ZDHHC22: variants seen among roughly 807,000 people sequenced by gnomAD.
ZDHHC22 encodes the protein palmitoyltransferase ZDHHC22.
In ZDHHC22, 13 loss-of-function variants were observed where a neutral mutation model predicts 17.0. The observed-to-expected ratio is 0.76, with a 90% CI of 0.50 to 1.21. The LOEUF (loss-of-function observed/expected upper bound fraction) is 1.21. ZDHHC22 is among the 50% of genes most tolerant of loss of function. The pLI, the probability that ZDHHC22 is intolerant of heterozygous loss-of-function variation, is 0.00. For missense variants in ZDHHC22, 319 were observed against 342.3 expected (o/e 0.93, Z 0.54); for synonymous variants, 138 against 154.7 (o/e 0.89, Z 0.80).
At position 77,133,867 on chromosome 14, in the gene ZDHHC22, C is replaced by T. The variant is rs1566811033; in HGVS notation, c.608G>A (p.Cys203Tyr). The change falls in exon 3 of 3, where the codon TGC (cysteine) becomes TAC (tyrosine). Residue 203 changes from cysteine (C) to tyrosine (Y), a missense_variant. Cys to Tyr is a radical substitution (Grantham distance 194). Coordinates refer to ENST00000319374, the MANE Select transcript of ZDHHC22 (RefSeq NM_174976.2). ...GAGGATCAACAGCAGCTGGTGGCAG[C>T]AGAAGCCGGCGCAGGCCAGGCCGAT... ...FAIGLACAGF[C>Y]CHQLLLILRG... is the part of the protein sequence containing the mutation. The T allele has an allele frequency of 6.2e-7, 1 of 1,612,970 alleles. No individual in the cohort carries two copies. Among genetic ancestry groups the T allele is most frequent in the Non-Finnish European group, 8.5e-7 (1 of 1,179,562 alleles).
Position 77,135,474 on chromosome 14 carries a change from T to TTA in ZDHHC22, c.527-1527_527-1526insTA, listed in dbSNP as rs202017182. On this transcript the variant is annotated intron_variant, in intron 2 of 2. Coordinates refer to ENST00000319374, the MANE Select transcript of ZDHHC22 (RefSeq NM_174976.2). ...CCTAGGAGCTTGGATAGCTGTATTA[T>TTA]TTTTTTTTTTTTTTACAAAGCTGGG... is the stretch of plus-strand genomic sequence containing the variant. Among the ~76,000 whole-genome samples the TTA allele has an allele frequency of 1.9e-3, 142 of 72,944 alleles. 1 individual carries two copies. The East Asian group carries it at 0.052, about 27-fold the overall frequency. The allele number at this position is 72,944 out of a possible 152,430, so 47.9% of individuals were successfully genotyped here. A position where few individuals can be genotyped will look rare whatever the true frequency, so the allele number is the denominator to read the frequency against.
At chr14:77,139,104 T>C (rs1887192361) in intron 2 of ZDHHC22, 109 bp downstream of exon 2, 1 of 1,261,672 alleles carries the variant, frequency 7.9e-7, no homozygotes, top group Admixed American at 2.7e-5. Context: ...CGGTCTGTAT[T>C]TTTATTTGCT....
In ZDHHC22 at chr14:77,133,397, G is replaced by C. The variant is rs1212319444; in HGVS notation, c.*286C>G. 2.5e-6 allele frequency: 1 copy of C among 405,570 alleles called. No homozygotes were observed. The highest frequency in any genetic ancestry group is 4.4e-6 in the Non-Finnish European group (1 of 226,452). The allele number at this position is 405,570 out of a possible 1,614,324, so 25.1% of individuals were successfully genotyped here. On this transcript the variant is annotated 3_prime_UTR_variant, in exon 3 of 3. Coordinates refer to ENST00000319374, the MANE Select transcript of ZDHHC22 (RefSeq NM_174976.2). ...GGAGAATGGATGAGCCAGGAAGAGG[G>C]GGAAAGCAGGGATCCCAAGGGGACG...
At chr14:77,136,401 T>C (rs1887137448) in intron 2 of ZDHHC22, among the ~76,000 whole-genome samples, 1 of 152,218 alleles carries the variant, frequency 6.6e-6, no homozygotes, top group Admixed American at 6.5e-5. Flanking sequence ...AGGTGCTCAA[T>C]GAACATTAGT....
rs530292714 is a variant in ZDHHC22 at position 77,133,568 on chromosome 14, T to C, written c.*115A>G. 1.5e-5 allele frequency: 21 copies of C among 1,405,700 alleles called. No individual in the cohort carries two copies. In the African/African-American group the frequency reaches 3.0e-4, roughly 20 times the overall value. The allele number at this position is 1,405,700 out of a possible 1,614,324, so 87.1% of individuals were successfully genotyped here. A position where few individuals can be genotyped will look rare whatever the true frequency, so the allele number is the denominator to read the frequency against. ...TGGGTGGAAGGTGAGGGGAAGATGC[T>C]AGGACCTTACCAGCACAAGGTTGTA... On this transcript the variant is annotated 3_prime_UTR_variant, in exon 3 of 3. Transcript: ENST00000319374.
Position 77,132,918 on chromosome 14 carries a change from C to G in ZDHHC22, c.*765G>C, listed in dbSNP as rs925761208. 1 of 151,436 alleles carries G rather than the reference C, an allele frequency of 6.6e-6. No homozygotes were observed. Among genetic ancestry groups the G allele is most frequent in the Admixed American group, 6.6e-5 (1 of 15,136 alleles). 9.4% of individuals were successfully genotyped at this position (151,436 alleles called of 1,614,324 possible). On this transcript the variant is annotated 3_prime_UTR_variant, in exon 3 of 3. Transcript: ENST00000319374. ...ATCTTTCCCTGTCCCTTCTTCCTTGCCTTCCCATCATCTGGCAAAGACCTG... is the reference window on the plus strand; with the variant it reads ...ATCTTTCCCTGTCCCTTCTTCCTTGGCTTCCCATCATCTGGCAAAGACCTG...
In ZDHHC22 at chr14:77,140,975, A is replaced by C. The variant is rs981834472; in HGVS notation, c.-15+628T>G. ...GTTGCACCTAGGATGGGTGGATGCCACGGGGCCTCCGTCCAGGCTGTCCCG... is the reference window on the plus strand; with the variant it reads ...GTTGCACCTAGGATGGGTGGATGCCCCGGGGCCTCCGTCCAGGCTGTCCCG... On this transcript the variant is annotated intron_variant, in intron 1 of 2. Coordinates refer to ENST00000319374, the MANE Select transcript of ZDHHC22 (RefSeq NM_174976.2). This position sits in a 1 kb window ranked among gnomAD's most constrained non-coding sequence, Gnocchi z 5.9. The C allele has an allele frequency of 6.6e-6, 1 of 152,262 alleles. No homozygotes were observed. The highest frequency in any genetic ancestry group is 1.5e-5 in the Non-Finnish European group (1 of 68,074). The allele number at this position is 152,262 out of a possible 1,614,324, so 9.4% of individuals were successfully genotyped here.
At position 77,133,509 on chromosome 14, in the gene ZDHHC22, C is replaced by T. The variant is rs1887072937; in HGVS notation, c.*174G>A. 2 of 931,828 alleles carry T rather than the reference C, an allele frequency of 2.1e-6. No individual in the cohort carries two copies. Among genetic ancestry groups the T allele is most frequent in the South Asian group, 4.4e-5 (2 of 45,090 alleles). The allele number at this position is 931,828 out of a possible 1,614,324, so 57.7% of individuals were successfully genotyped here. A position where few individuals can be genotyped will look rare whatever the true frequency, so the allele number is the denominator to read the frequency against. On this transcript the variant is annotated 3_prime_UTR_variant, in exon 3 of 3. Transcript: ENST00000319374. Reference sequence around the variant, plus strand: ...AAATGCCTGGGGGGACATTTTTCCTCCTTGTCATGATCCACCAGCTCACGC... The same window carrying T: ...AAATGCCTGGGGGGACATTTTTCCTTCTTGTCATGATCCACCAGCTCACGC...
rs1479769130 is a variant in ZDHHC22 at position 77,132,940 on chromosome 14, C to A, written c.*743G>T. The A allele has an allele frequency of 6.6e-6, 1 of 152,058 alleles. No individual in the cohort carries two copies. Among genetic ancestry groups the A allele is most frequent in the African/African-American group, 2.4e-5 (1 of 41,338 alleles). The allele number at this position is 152,058 out of a possible 1,614,324, so 9.4% of individuals were successfully genotyped here. A position where few individuals can be genotyped will look rare whatever the true frequency, so the allele number is the denominator to read the frequency against. On this transcript the variant is annotated 3_prime_UTR_variant, in exon 3 of 3. Coordinates refer to ENST00000319374, the MANE Select transcript of ZDHHC22 (RefSeq NM_174976.2). ...TTGCCTTCCCATCATCTGGCAAAGA[C>A]CTGGGGGCTGGAGATCAAGTAGAAA... is the stretch of plus-strand genomic sequence containing the variant.
chr14:77,137,641 C>A (rs1213935363), intron 2 of ZDHHC22, among the ~76,000 whole-genome samples: 1 of 150,830 alleles, frequency 6.6e-6, no homozygotes, highest in African/African-American at 2.4e-5. Flanking sequence ...CTGGACCCAG[C>A]TCAGCCACCA....
upstream of ZDHHC22, chr14:77,141,823 C>A (rs1201285945): frequency 2.6e-5 from 4 of 152,178 alleles, no homozygotes; most frequent in Non-Finnish European, 5.9e-5. Context: ...CAGCTGGGCA[C>A]CCCCCAGCCC....
At chr14:77,139,874 C>G in intron 1 of ZDHHC22, 122 bp from the exon 2 acceptor site, 2 of 1,071,338 alleles carry the variant, frequency 1.9e-6, no homozygotes, top group East Asian at 5.4e-5. Context: ...AACCCCCTGT[C>G]CCGCGGATTT....
rs373595119 is a variant in ZDHHC22 at position 77,131,938 on chromosome 14, G to A, written c.*1745C>T. 4 of 152,250 alleles carry A rather than the reference G, an allele frequency of 2.6e-5. No individual in the cohort carries two copies. The highest frequency in any genetic ancestry group is 2.0e-4 in the Admixed American group (3 of 15,282). 9.4% of individuals were successfully genotyped at this position (152,250 alleles called of 1,614,324 possible). On this transcript the variant is annotated 3_prime_UTR_variant, in exon 3 of 3. Coordinates refer to ENST00000319374, the MANE Select transcript of ZDHHC22 (RefSeq NM_174976.2). ...GAGCCAATACTACATTAGCTCTCTA[G>A]GGGGTGTGAAGGCAGAACCACAGTA...
Position 77,139,352 on chromosome 14 carries a change from G to C in ZDHHC22, c.387C>G (p.Phe129Leu). The change falls in exon 2 of 3, where the codon TTC (phenylalanine) becomes TTG (leucine). Residue 129 changes from phenylalanine to leucine, a missense_variant. Coordinates refer to ENST00000319374, the MANE Select transcript of ZDHHC22 (RefSeq NM_174976.2). ...GGCAGGCCAGGGAGGTGTAGAGGCA[G>C]AACAGGACGAAGTTGCGCATGTTCC... ...GSRNMRNFVLFCLYTSLACLY... is the reference protein window; with the variant it reads ...GSRNMRNFVLLCLYTSLACLY... 6.2e-7 allele frequency: 1 copy of C among 1,600,974 alleles called. No homozygotes were observed. Among genetic ancestry groups the C allele is most frequent in the South Asian group, 1.1e-5 (1 of 88,670 alleles).
chr14:77,133,960 G>T lies in ZDHHC22; in HGVS notation c.527-12C>A, dbSNP rs771054827. The T allele has an allele frequency of 1.3e-6, 2 of 1,551,426 alleles. No homozygotes were observed. Among genetic ancestry groups the T allele is most frequent in the Admixed American group, 1.9e-5 (1 of 51,564 alleles). On this transcript the variant is annotated splice_polypyrimidine_tract_variant and intron_variant, in intron 2 of 2. Transcript: ENST00000319374. ...ACCCAGGACAGCTCCTGCAGGGCAC[G>T]GGGAGGGGAAACACCAGAGCCGCTT... is the stretch of plus-strand genomic sequence containing the variant.
At chr14:77,135,435 C>T (rs76396729) in intron 2 of ZDHHC22, among the ~76,000 whole-genome samples, 1 of 152,134 alleles carries the variant, frequency 6.6e-6, no homozygotes, top group African/African-American at 2.4e-5. Context: ...TAGCAGCCTC[C>T]TCTTGTCCTC....
rs565226804 is a variant in ZDHHC22 at position 77,132,591 on chromosome 14, G to C, written c.*1092C>G. ...AGAAATCCCTTCCACAGCATGCCTG[G>C]CAGACGACTGCCTAGACTCTGCTGG... On this transcript the variant is annotated 3_prime_UTR_variant, in exon 3 of 3. Coordinates refer to ENST00000319374, the MANE Select transcript of ZDHHC22 (RefSeq NM_174976.2). 1 of 152,172 alleles carries C rather than the reference G, an allele frequency of 6.6e-6. No homozygotes were observed. The highest frequency in any genetic ancestry group is 2.4e-5 in the African/African-American group (1 of 41,418). The allele number at this position is 152,172 out of a possible 1,614,324, so 9.4% of individuals were successfully genotyped here.
At position 77,131,583 on chromosome 14, in the gene ZDHHC22, G is replaced by A; in HGVS notation, c.*2100C>T. Reference sequence around the variant, plus strand: ...CCTCTCCCTCCCATTGCTTAAGTATGGCCAGAATTGTGGGTGAAAATGCCC... The same window carrying A: ...CCTCTCCCTCCCATTGCTTAAGTATAGCCAGAATTGTGGGTGAAAATGCCC... On this transcript the variant is annotated 3_prime_UTR_variant, in exon 3 of 3. Coordinates refer to ENST00000319374, the MANE Select transcript of ZDHHC22 (RefSeq NM_174976.2). 6.6e-6 allele frequency: 1 copy of A among 152,360 alleles called. No homozygotes were observed. Among genetic ancestry groups the A allele is most frequent in the Non-Finnish European group, 1.5e-5 (1 of 68,058 alleles). 9.4% of individuals were successfully genotyped at this position (152,360 alleles called of 1,614,324 possible). A position where few individuals can be genotyped will look rare whatever the true frequency, so the allele number is the denominator to read the frequency against.
At chr14:77,136,322 G>A (rs969996489) in intron 2 of ZDHHC22, among the ~76,000 whole-genome samples, 1 of 152,168 alleles carries the variant, frequency 6.6e-6, no homozygotes, top group African/African-American at 2.4e-5. Flanking sequence ...CCTTAAAAAT[G>A]GACATGATAA....
Sources: gnomAD v4.1 joint callset for allele counts (sites outside exome capture counted in the v4.1 genomes callset) on GRCh38, gnomAD v4.1.1 for gene constraint, Gnocchi (gnomAD v3.1) non-coding constraint, MANE v1.5 for transcripts, NCBI Gene and HGNC (gene_info 2026-07-23, HGNC 2026-07-21) for gene names.